PLA2G4A: variants seen among roughly 807,000 people sequenced by gnomAD.
The protein encoded by PLA2G4A is cytosolic phospholipase A2.
Under a neutral mutation model 81.9 loss-of-function variants are expected in PLA2G4A, and 40 were observed. The ratio of observed to expected loss-of-function variants is 0.49; its 90% CI spans 0.38 to 0.64. The LOEUF (loss-of-function observed/expected upper bound fraction) is 0.64. PLA2G4A is among the 30% of genes least tolerant of loss of function. The pLI, the probability that PLA2G4A is intolerant of heterozygous loss-of-function variation, is 0.00. For synonymous variants in PLA2G4A, 302 were observed against 296.9 expected, an observed-to-expected ratio of 1.02 and a Z score of -0.18; for missense variants, 715 against 905.1, an observed-to-expected ratio of 0.79 and a Z score of 2.69.
intron 2 of PLA2G4A, among the ~76,000 whole-genome samples, chr1:186,857,724 T>A (rs1652642817): frequency 1.3e-5 from 2 of 151,680 alleles, no homozygotes; most frequent in Non-Finnish European, 2.9e-5. Context: ...TTACATTAGG[T>A]ATTTCTGCTA....
intron 3 of PLA2G4A, among the ~76,000 whole-genome samples, chr1:186,884,115 A>G (rs1403964109): frequency 1.3e-5 from 2 of 152,156 alleles, no homozygotes; most frequent in East Asian, 3.8e-4. Flanking sequence ...AGCGGTATTG[A>G]GAGAAGAGTG....
intron 15 of PLA2G4A, among the ~76,000 whole-genome samples, chr1:186,972,450 G>A (rs901683021): frequency 1.1e-4 from 16 of 152,114 alleles, no homozygotes; most frequent in African/African-American, 3.9e-4. Flanking sequence ...AGGGGAAAAT[G>A]AAGGGACTTT....
intron 8 of PLA2G4A, among the ~76,000 whole-genome samples, chr1:186,937,781 G>A (rs1283090696): frequency 6.6e-6 from 1 of 150,678 alleles, no homozygotes; most frequent in African/African-American, 2.4e-5. Flanking sequence ...TTCCAGTTCT[G>A]CTGTTATAAA....
Position 186,883,958 on chromosome 1 carries a change from T to G in PLA2G4A, c.116-9053T>G, listed in dbSNP as rs1653836165. ...GGAGAGAAAAGATCTGGAAGAATTG[T>G]AAGAATTAATGAAATTTTGTTCATT... On this transcript the variant is annotated intron_variant, in intron 3 of 17. Transcript: ENST00000367466. 2.0e-5 allele frequency among the ~76,000 whole-genome samples: 3 copies of G among 152,168 alleles called. No individual in the cohort carries two copies. In the South Asian group the frequency reaches 6.2e-4, roughly 31 times the overall value.
At position 186,957,135 on chromosome 1, in the gene PLA2G4A, A is replaced by G. The variant is rs12720656; in HGVS notation, c.1579+791A>G. On this transcript the variant is annotated intron_variant, in intron 14 of 17. Transcript: ENST00000367466. ...CCACTGCACTCCAGCCTGGGCAACAAAGTGAAGCTCTGTCTCAAAAAAATA... is the reference window on the plus strand; with the variant it reads ...CCACTGCACTCCAGCCTGGGCAACAGAGTGAAGCTCTGTCTCAAAAAAATA... Among the ~76,000 whole-genome samples the G allele has an allele frequency of 5.6e-4, 85 of 152,178 alleles. 2 individuals are homozygous for G. The East Asian group carries it at 0.014, about 25-fold the overall frequency.
intron 7 of PLA2G4A, among the ~76,000 whole-genome samples, chr1:186,924,297 C>T (rs1440734629): frequency 6.6e-6 from 1 of 152,184 alleles, no homozygotes; most frequent in African/African-American, 2.4e-5. Flanking sequence ...CAAACGTCTC[C>T]AACATTTTCT....
chr1:186,901,041 A>C (rs976732687), intron 5 of PLA2G4A, among the ~76,000 whole-genome samples: 2 of 152,208 alleles, frequency 1.3e-5, no homozygotes, highest in Non-Finnish European at 2.9e-5. Flanking sequence ...TGTTAGTCTC[A>C]GGATGATGTC....
At chr1:186,986,098 C>G (rs1298069540) in intron 17 of PLA2G4A, among the ~76,000 whole-genome samples, 1 of 152,132 alleles carries the variant, frequency 6.6e-6, no homozygotes, top group Admixed American at 6.5e-5. Flanking sequence ...CCTAGTGGAT[C>G]AACTTGCACA....
intron 14 of PLA2G4A, among the ~76,000 whole-genome samples, chr1:186,961,733 T>C (rs1440034520): frequency 6.6e-6 from 1 of 152,084 alleles, no homozygotes; most frequent in Non-Finnish European, 1.5e-5. Flanking sequence ...TCAGCTAAAT[T>C]TTTTTTTAAA....
intron 2 of PLA2G4A, among the ~76,000 whole-genome samples, chr1:186,855,637 A>G (rs188509746): frequency 5.1e-4 from 78 of 152,124 alleles, no homozygotes; most frequent in Admixed American, 3.9e-3. Context: ...ACATTTCTGC[A>G]TTCAACGTTG....
chr1:186,836,055 G>A (rs1024660617), intron 1 of PLA2G4A, among the ~76,000 whole-genome samples: 42 of 151,922 alleles, frequency 2.8e-4, no homozygotes, highest in African/African-American at 9.9e-4. Context: ...AATCAAATTT[G>A]TGACACTCAT....
intron 3 of PLA2G4A, among the ~76,000 whole-genome samples, chr1:186,883,154 T>A (rs1249244299): frequency 2.0e-5 from 3 of 152,062 alleles, no homozygotes; most frequent in African/African-American, 4.8e-5. Flanking sequence ...GAGGTAGGGC[T>A]CACAGATGTA....
At chr1:186,851,797 A>T (rs775660888) in intron 1 of PLA2G4A, among the ~76,000 whole-genome samples, 11 of 152,030 alleles carry the variant, frequency 7.2e-5, no homozygotes, top group Non-Finnish European at 1.6e-4. Flanking sequence ...TTTCAAAAAT[A>T]CTTAGAGCCT....
At chr1:186,956,441 T>A in intron 14 of PLA2G4A, 97 bp downstream of exon 14, 1 of 1,072,472 alleles carries the variant, frequency 9.3e-7, no homozygotes, top group South Asian at 1.3e-5. Context: ...CTTACTCATT[T>A]ATTATCAGTT....
chr1:186,933,985 C>T (rs1349219672), intron 8 of PLA2G4A, among the ~76,000 whole-genome samples: 2 of 152,022 alleles, frequency 1.3e-5, no homozygotes, highest in African/African-American at 4.8e-5. Flanking sequence ...GAAACAAAAA[C>T]TTAGAGCCAT....
At chr1:186,855,856 A>T (rs1255753269) in intron 2 of PLA2G4A, among the ~76,000 whole-genome samples, 1 of 152,076 alleles carries the variant, frequency 6.6e-6, no homozygotes, top group Non-Finnish European at 1.5e-5. Flanking sequence ...TTAGTCAGAT[A>T]GTCTGTGTTT....
intron 5 of PLA2G4A, among the ~76,000 whole-genome samples, chr1:186,900,349 T>G (rs1654493141): frequency 6.6e-6 from 1 of 152,218 alleles, no homozygotes; most frequent in Non-Finnish European, 1.5e-5. Flanking sequence ...TTAAGATACT[T>G]CCTGGCCCAT....
chr1:186,934,471 CAGAG>C (rs1221199401), intron 8 of PLA2G4A, among the ~76,000 whole-genome samples: 1 of 41,346 alleles, frequency 2.4e-5, no homozygotes, highest in East Asian at 7.5e-4. Context: ...TATACATACA[CAGAG>C]AGAGTAATTA....
intron 5 of PLA2G4A, among the ~76,000 whole-genome samples, chr1:186,897,808 C>G (rs886818924): frequency 6.6e-6 from 1 of 152,132 alleles, no homozygotes; most frequent in African/African-American, 2.4e-5. Flanking sequence ...CACACCCAGC[C>G]TGTTTTATTT....
Sources: allele counts gnomAD v4.1 joint callset (sites outside exome capture counted in the v4.1 genomes callset), GRCh38; gene constraint gnomAD v4.1.1; transcripts MANE v1.5; gene names NCBI Gene and HGNC (gene_info 2026-07-23, HGNC 2026-07-21).